Variants in KCNJ15 observed in about 807,000 individuals in gnomAD.
KCNJ15 encodes the protein potassium inwardly rectifying channel subfamily J member 15, also known as ATP-sensitive inward rectifier potassium channel 15.
In KCNJ15, 14 loss-of-function variants were observed where a neutral mutation model predicts 23.0. The observed-to-expected ratio is 0.61, with a 90% CI of 0.40 to 0.95. The LOEUF (loss-of-function observed/expected upper bound fraction) is 0.95. Ranked by LOEUF, KCNJ15 falls within the 40% of genes least tolerant of loss-of-function variation. The probability of loss-of-function intolerance (pLI) is 0.00; values close to 1 mark genes in which losing one functional copy is unlikely to be tolerated. For missense variants in KCNJ15, 388 were observed against 461.8 expected (o/e 0.84, Z 1.46); for synonymous variants, 185 against 183.2 (o/e 1.01, Z -0.08).
At chr21:38,236,803 A>G (rs1978636045) in intron 1 of KCNJ15, among the ~76,000 whole-genome samples, 1 of 152,204 alleles carries the variant, frequency 6.6e-6, no homozygotes, top group Non-Finnish European at 1.5e-5. Context: ...GCCTGTTCAC[A>G]TCCCAGGAAA....
intron 1 of KCNJ15, among the ~76,000 whole-genome samples, chr21:38,249,345 A>C (rs1979673573): frequency 6.6e-6 from 1 of 152,194 alleles, no homozygotes; most frequent in South Asian, 2.1e-4. Flanking sequence ...ATAAATGGTA[A>C]GGCTGCACCT....
chr21:38,306,936 A>G lies in KCNJ15; in HGVS notation c.*6547A>G, dbSNP rs2146365149. ...AATCCCACTGCTTGTAACTCCTGGCAGTGTGTACTTACCAAAATCTTGATC... is the reference window on the plus strand; with the variant it reads ...AATCCCACTGCTTGTAACTCCTGGCGGTGTGTACTTACCAAAATCTTGATC... On this transcript the variant is annotated 3_prime_UTR_variant, in exon 3 of 3. Coordinates refer to ENST00000398938, the MANE Select transcript of KCNJ15 (RefSeq NM_170736.3). 6.6e-6 allele frequency: 1 copy of G among 152,352 alleles called. No homozygotes were observed. Among genetic ancestry groups the G allele is most frequent in the East Asian group, 1.9e-4 (1 of 5,192 alleles). The allele number at this position is 152,352 out of a possible 1,614,324, so 9.4% of individuals were successfully genotyped here.
chr21:38,296,077 A>T (rs1985119465), intron 1 of KCNJ15, among the ~76,000 whole-genome samples: 1 of 152,200 alleles, frequency 6.6e-6, no homozygotes, highest in Non-Finnish European at 1.5e-5. Context: ...AAATATATGG[A>T]TGTAGACAGA....
At position 38,275,335 on chromosome 21, in the gene KCNJ15, T is replaced by C. The variant is rs548186537; in HGVS notation, c.-117+18150T>C. ...AACCCGCATCACCTTTTAAAATTCA[T>C]TGCCAGTGTAGTTCCCAATATGGCC... On this transcript the variant is annotated intron_variant, in intron 1 of 2. Coordinates refer to ENST00000398938, the MANE Select transcript of KCNJ15 (RefSeq NM_170736.3). Among the ~76,000 whole-genome samples, 5 of 152,178 alleles carry C rather than the reference T, an allele frequency of 3.3e-5. No individual in the cohort carries two copies. In the South Asian group the frequency reaches 1.0e-3, roughly 32 times the overall value.
chr21:38,286,310 T>A (rs1983900446), intron 1 of KCNJ15, among the ~76,000 whole-genome samples: 1 of 152,186 alleles, frequency 6.6e-6, no homozygotes, highest in African/African-American at 2.4e-5. Flanking sequence ...CGAGAAGTGC[T>A]ACAGTAAGGC....
chr21:38,300,611 T>C lies in KCNJ15; in HGVS notation c.*222T>C, dbSNP rs1185260380. 1 of 519,594 alleles carries C rather than the reference T, an allele frequency of 1.9e-6. No individual in the cohort carries two copies. Among genetic ancestry groups the C allele is most frequent in the East Asian group, 3.3e-5 (1 of 30,720 alleles). The allele number at this position is 519,594 out of a possible 1,614,324, so 32.2% of individuals were successfully genotyped here. A position where few individuals can be genotyped will look rare whatever the true frequency, so the allele number is the denominator to read the frequency against. ...TTCGTCTGAAAGTGAACTCTCATAA[T>C]TCAAATTGTATAAAATAAAGCTACA... On this transcript the variant is annotated 3_prime_UTR_variant, in exon 3 of 3. Transcript: ENST00000398938.
intron 1 of KCNJ15, among the ~76,000 whole-genome samples, chr21:38,287,662 C>A (rs1369067530): frequency 1.3e-5 from 2 of 152,160 alleles, no homozygotes; most frequent in African/African-American, 4.8e-5. Flanking sequence ...TCTAAAAACA[C>A]CAAATTTGGG....
In KCNJ15 at chr21:38,300,116, C is replaced by A. The variant is rs142343402; in HGVS notation, c.855C>A (p.Ala285=). 11 of 1,614,068 alleles carry A rather than the reference C, an allele frequency of 6.8e-6. 1 individual carries two copies. Among genetic ancestry groups the A allele is most frequent in the Non-Finnish European group, 8.5e-6 (10 of 1,180,032 alleles). ...TTGAGCTTGTGGTCCTCCTCAATGC[C>A]ACTGTGGAATCCACCAGCGCTGTCT... The part of the protein sequence containing the change: ...KEFELVVLLN[A]TVESTSAVCQ... Residue 285 remains alanine, a synonymous_variant, in exon 3 of 3, where the codon GCC becomes GCA. Transcript: ENST00000398938.
At chr21:38,274,895 T>C (rs746251081) in intron 1 of KCNJ15, among the ~76,000 whole-genome samples, 9 of 152,274 alleles carry the variant, frequency 5.9e-5, no homozygotes, top group East Asian at 3.9e-4. Flanking sequence ...ATTTTTCTTT[T>C]TTTTGCAGTT....
At chr21:38,237,154 A>T (rs1366892195) in intron 1 of KCNJ15, 1 of 152,252 alleles carries the variant, frequency 6.6e-6, no homozygotes, top group Non-Finnish European at 1.5e-5. Context: ...AGGCAGGACG[A>T]ACTTCTCACC....
chr21:38,276,372 C>T (rs1445479165), intron 1 of KCNJ15, among the ~76,000 whole-genome samples: 4 of 151,864 alleles, frequency 2.6e-5, no homozygotes, highest in South Asian at 2.1e-4. Flanking sequence ...TAGGGCTGGG[C>T]GTGTCCCCAT....
Position 38,303,919 on chromosome 21 carries a change from C to T in KCNJ15, c.*3530C>T, listed in dbSNP as rs1416844197. 6.6e-6 allele frequency: 1 copy of T among 152,118 alleles called. No individual in the cohort carries two copies. The highest frequency in any genetic ancestry group is 1.5e-5 in the Non-Finnish European group (1 of 68,020). The allele number at this position is 152,118 out of a possible 1,614,324, so 9.4% of individuals were successfully genotyped here. ...AAAAATGAAAGCACTAGGCCTTTGA[C>T]TAGGTTTGGTTCTATATGCTGTCAT... On this transcript the variant is annotated 3_prime_UTR_variant, in exon 3 of 3. Transcript: ENST00000398938.
intron 1 of KCNJ15, among the ~76,000 whole-genome samples, chr21:38,293,361 A>T (rs762342246): frequency 2.0e-4 from 30 of 152,164 alleles, no homozygotes; most frequent in Non-Finnish European, 4.0e-4. Context: ...AAAGCAGGTG[A>T]CAGGGCCACA....
At chr21:38,283,538 C>G (rs974812533) in intron 1 of KCNJ15, among the ~76,000 whole-genome samples, 7 of 152,054 alleles carry the variant, frequency 4.6e-5, no homozygotes, top group Non-Finnish European at 7.4e-5. Flanking sequence ...AATTTAAAAC[C>G]ATTCCTATAT....
chr21:38,268,968 G>A (rs965836389), intron 1 of KCNJ15: 7 of 152,198 alleles, frequency 4.6e-5, no homozygotes, highest in Admixed American at 3.9e-4. Flanking sequence ...AGAAGCCCTG[G>A]ACTGGAGTCC....
At chr21:38,274,669 A>T (rs1447036550) in intron 1 of KCNJ15, among the ~76,000 whole-genome samples, 2 of 152,126 alleles carry the variant, frequency 1.3e-5, no homozygotes, top group Admixed American at 1.3e-4. Flanking sequence ...CCCTAATAAC[A>T]TCAGTACTTC....
At position 38,257,079 on chromosome 21, in the gene KCNJ15, AC is replaced by A. The variant is rs901441293; in HGVS notation, c.-220del. The A allele has an allele frequency of 3.9e-5, 6 of 152,006 alleles. No homozygotes were observed. Among genetic ancestry groups the A allele is most frequent in the Non-Finnish European group, 7.3e-5 (5 of 68,028 alleles). 9.4% of individuals were successfully genotyped at this position (152,006 alleles called of 1,614,324 possible). A position where few individuals can be genotyped will look rare whatever the true frequency, so the allele number is the denominator to read the frequency against. On this transcript the variant is annotated 5_prime_UTR_variant, in exon 1 of 3. Coordinates refer to ENST00000398938, the MANE Select transcript of KCNJ15 (RefSeq NM_170736.3). ...GAGAGAGTTTTCTTCATTTTGAGGA[AC>A]CCTAAACACCTATCTTTCCCAAGGC...
chr21:38,233,942 G>A lies in KCNJ15; in HGVS notation c.-398-23104G>A, dbSNP rs79851836. 3.6e-3 allele frequency among the ~76,000 whole-genome samples: 545 copies of A among 151,746 alleles called. 5 individuals carry two copies. Among genetic ancestry groups the A allele is most frequent in the African/African-American group, 0.012 (513 of 41,118 alleles). Reference sequence around the variant, plus strand: ...TTTATGTCTTTTAAAGAAGCTGAGAGAAGAAAGGAGAGAAATACGTATTTG... The same window carrying A: ...TTTATGTCTTTTAAAGAAGCTGAGAAAAGAAAGGAGAGAAATACGTATTTG... On this transcript the variant is annotated intron_variant, in intron 1 of 4. Coordinates refer to the KCNJ15 transcript ENST00000547341.
chr21:38,259,014 T>C (rs952069134), intron 1 of KCNJ15, among the ~76,000 whole-genome samples: 6 of 152,010 alleles, frequency 3.9e-5, no homozygotes, highest in Non-Finnish European at 7.4e-5. Context: ...CGTGTGTGTG[T>C]GTGTGTGTGC....
Sources: gnomAD v4.1 joint callset for allele counts (sites outside exome capture counted in the v4.1 genomes callset) on GRCh38, gnomAD v4.1.1 for gene constraint, MANE v1.5 for transcripts, NCBI Gene and HGNC (gene_info 2026-07-23, HGNC 2026-07-21) for gene names.